INPP5F: variants seen among roughly 807,000 people sequenced by gnomAD.
The protein encoded by INPP5F is phosphatidylinositide 4-phosphatase SAC2.
In INPP5F, 97 loss-of-function variants were observed where a neutral mutation model predicts 137.2. That is an observed-to-expected ratio of 0.71 (90% CI 0.60 to 0.84). The LOEUF (loss-of-function observed/expected upper bound fraction) is 0.84. INPP5F is among the 40% of genes least tolerant of loss of function. The probability of loss-of-function intolerance (pLI) is 0.00; values close to 1 mark genes in which losing one functional copy is unlikely to be tolerated. For missense variants in INPP5F, 1,271 were observed against 1,371.9 expected (o/e 0.93, Z 1.16); for synonymous variants, 504 against 476.9 (o/e 1.06, Z -0.74).
At position 119,787,893 on chromosome 10, in the gene INPP5F, A is replaced by G. The variant is rs1427616467; in HGVS notation, c.316-3624A>G. The stretch of plus-strand genomic sequence containing the variant: ...GTGCTCAGGTGGAACTCCCTAGATC[A>G]TGAGGGGAGCTGTTAGAGTGTCTGC... On this transcript the variant is annotated intron_variant, in intron 3 of 19. Transcript: ENST00000650623. This position sits in a 1 kb window ranked among gnomAD's most constrained non-coding sequence, Gnocchi z 4.1. Among the ~76,000 whole-genome samples, 1 of 152,108 alleles carries G rather than the reference A, an allele frequency of 6.6e-6. No homozygotes were observed. Among genetic ancestry groups the G allele is most frequent in the Non-Finnish European group, 1.5e-5 (1 of 68,008 alleles).
intron 6 of INPP5F, among the ~76,000 whole-genome samples, chr10:119,795,893 CG>C (rs1850360230): frequency 1.3e-5 from 2 of 152,212 alleles, no homozygotes; most frequent in Middle Eastern, 3.2e-3. Flanking sequence ...CCGGCCAACA[CG>C]GGGAAACCCC....
At chr10:119,780,097 A>T (rs1299154314) in intron 2 of INPP5F, among the ~76,000 whole-genome samples, 1 of 152,162 alleles carries the variant, frequency 6.6e-6, no homozygotes, top group Non-Finnish European at 1.5e-5. Flanking sequence ...TTATGATGTC[A>T]CTACGTGATA....
intron 2 of INPP5F, among the ~76,000 whole-genome samples, chr10:119,778,072 T>C (rs979849140): frequency 6.6e-6 from 1 of 152,138 alleles, no homozygotes; most frequent in African/African-American, 2.4e-5. Flanking sequence ...AGTGGTGCCG[T>C]CTCGGCTCAC....
intron 1 of INPP5F, among the ~76,000 whole-genome samples, chr10:119,743,430 A>G (rs1372644877): frequency 1.3e-5 from 2 of 152,188 alleles, no homozygotes; most frequent in East Asian, 3.9e-4. Context: ...CACTAAACCA[A>G]AGTAAGATGC....
intron 14 of INPP5F, among the ~76,000 whole-genome samples, chr10:119,811,511 TGTGATG>T (rs1851029359): frequency 6.6e-6 from 1 of 152,246 alleles, no homozygotes; most frequent in African/African-American, 2.4e-5. Flanking sequence ...TTTTCACTTT[TGTGATG>T]GTGCCCTTTG....
intron 13 of INPP5F, 67 bp from the exon 14 acceptor site, chr10:119,810,033 C>T: frequency 1.1e-6 from 1 of 871,810 alleles, no homozygotes; most frequent in Non-Finnish European, 1.9e-6. Flanking sequence ...GAACTGAAAG[C>T]CCACAATTTA....
intron 16 of INPP5F, among the ~76,000 whole-genome samples, 155 bp from the exon 17 acceptor site, chr10:119,822,276 C>T (rs908676246): frequency 6.6e-6 from 1 of 152,094 alleles, no homozygotes; most frequent in African/African-American, 2.4e-5. Context: ...TAATTTTTAA[C>T]AGAGTTCTTA....
In INPP5F at chr10:119,807,980, T is replaced by C. The variant is rs1303646659; in HGVS notation, c.1489T>C (p.Cys497Arg). 1.9e-6 allele frequency: 3 copies of C among 1,613,826 alleles called. No homozygotes were observed. ...MPPEQPLPVK[C>R]NRIYQIMWAN... The stretch of plus-strand genomic sequence containing the variant: ...CCCGGAACAGCCATTACCTGTGAAA[T>C]GTAATCGCATCTACCAGATAATGTG... The change falls in exon 13 of 20, where the codon TGT (cysteine) becomes CGT (arginine). Residue 497 changes from cysteine (C) to arginine (R), a missense_variant. Physicochemically the swap from Cys to Arg is radical, Grantham distance 180 (BLOSUM62 -3). Transcript: ENST00000650623.
chr10:119,828,686 C>G lies in INPP5F; in HGVS notation c.*906C>G, dbSNP rs1784057029. On this transcript the variant is annotated 3_prime_UTR_variant, in exon 20 of 20. Transcript: ENST00000650623. ...GTTTTGAGACCAGCCTGGGAAACAT[C>G]TGTCTCTACAAAAAAATACAAAAAT... 4.6e-5 allele frequency: 7 copies of G among 152,388 alleles called. No homozygotes were observed. In the Middle Eastern group the frequency reaches 0.02, roughly 444 times the overall value. The allele number at this position is 152,388 out of a possible 1,614,324, so 9.4% of individuals were successfully genotyped here. A position where few individuals can be genotyped will look rare whatever the true frequency, so the allele number is the denominator to read the frequency against.
intron 2 of INPP5F, among the ~76,000 whole-genome samples, chr10:119,757,067 C>CTTTATTTATTTATTTA (rs10642582): frequency 9.3e-5 from 14 of 149,894 alleles, no homozygotes; most frequent in Admixed American, 4.0e-4. Flanking sequence ...GATTTCTTTA[C>CTTTATTTATTTATTTA]TTTATTTATT....
At chr10:119,795,038 A>C (rs1371231590) in intron 6 of INPP5F, among the ~76,000 whole-genome samples, 3 of 106,122 alleles carry the variant, frequency 2.8e-5, no homozygotes, top group Non-Finnish European at 1.9e-5. Flanking sequence ...TGACCCCCCC[A>C]CCTCCCTCCC....
Position 119,822,611 on chromosome 10 carries a change from C to T in INPP5F, c.2032+107C>T, listed in dbSNP as rs1301474005. 3 of 568,994 alleles carry T rather than the reference C, an allele frequency of 5.3e-6. No homozygotes were observed. In the African/African-American group the frequency reaches 5.7e-5, roughly 11 times the overall value. 35.2% of individuals were successfully genotyped at this position (568,994 alleles called of 1,614,324 possible). On this transcript the variant is annotated intron_variant, in intron 17 of 19. Coordinates refer to ENST00000650623, the MANE Select transcript of INPP5F (RefSeq NM_014937.4). The stretch of plus-strand genomic sequence containing the variant: ...CTGGTTTAAGTTTCACCTACAAATG[C>T]TTTTCTTCACTATTATTTTCCATTT...
At chr10:119,818,388 C>T (rs1020875601) in intron 15 of INPP5F, among the ~76,000 whole-genome samples, 9 of 152,226 alleles carry the variant, frequency 5.9e-5, no homozygotes, top group Non-Finnish European at 1.0e-4. Context: ...AATGGAGTGG[C>T]CAGGCACGCG....
At chr10:119,792,485 T>A (rs919927011) in intron 6 of INPP5F, among the ~76,000 whole-genome samples, 5 of 152,088 alleles carry the variant, frequency 3.3e-5, no homozygotes, top group African/African-American at 1.2e-4. Context: ...GTGGAACTCA[T>A]GTTCATAGAC....
At position 119,806,434 on chromosome 10, in the gene INPP5F, C is replaced by T. The variant is rs150804862; in HGVS notation, c.1394C>T (p.Thr465Ile). The change falls in exon 12 of 20, where the codon ACC (threonine) becomes ATC (isoleucine). Residue 465 changes from threonine to isoleucine, a missense_variant. Physicochemically the swap from Thr to Ile is moderately conservative, Grantham distance 89. Coordinates refer to ENST00000650623, the MANE Select transcript of INPP5F (RefSeq NM_014937.4). Reference sequence around the variant, plus strand: ...AATTGTATGGACTGCCTGGATCGCACCAACGTGGTCCAAGCTGCCATCGCG... The same window carrying T: ...AATTGTATGGACTGCCTGGATCGCATCAACGTGGTCCAAGCTGCCATCGCG... ...RVNCMDCLDR[T>I]NVVQAAIARV... The T allele has an allele frequency of 1.9e-6, 3 of 1,609,810 alleles. No individual in the cohort carries two copies. Among genetic ancestry groups the T allele is most frequent in the Non-Finnish European group, 2.5e-6 (3 of 1,178,148 alleles).
intron 15 of INPP5F, among the ~76,000 whole-genome samples, chr10:119,817,595 T>C (rs540459426): frequency 6.6e-6 from 1 of 152,300 alleles, no homozygotes; most frequent in South Asian, 2.1e-4. Flanking sequence ...TGACAAACGA[T>C]GTTAAGGATT....
chr10:119,792,781 G>A (rs908606142), intron 6 of INPP5F, among the ~76,000 whole-genome samples: 2 of 152,106 alleles, frequency 1.3e-5, no homozygotes, highest in Non-Finnish European at 2.9e-5. Flanking sequence ...ACTGTCTAAA[G>A]ACAATTCATT....
chr10:119,762,375 G>A (rs1042726470), intron 2 of INPP5F, among the ~76,000 whole-genome samples: 8 of 152,130 alleles, frequency 5.3e-5, no homozygotes, highest in African/African-American at 9.7e-5. Context: ...GGCAGGAGGC[G>A]TGAGGGAGCT....
chr10:119,775,456 G>A (rs1849491983), intron 2 of INPP5F, among the ~76,000 whole-genome samples: 1 of 151,942 alleles, frequency 6.6e-6, no homozygotes, highest in South Asian at 2.1e-4. Context: ...GTAGAGACAG[G>A]GTTTCCCCAT....
Sources: gnomAD v4.1 joint callset for allele counts (sites outside exome capture counted in the v4.1 genomes callset) on GRCh38, gnomAD v4.1.1 for gene constraint, Gnocchi (gnomAD v3.1) non-coding constraint, MANE v1.5 for transcripts, NCBI Gene and HGNC (gene_info 2026-07-23, HGNC 2026-07-21) for gene names.